The following WFDC3 variants were observed in gnomAD, a reference collection of about 807,000 sequenced individuals.
WFDC3 encodes WAP four-disulfide core domain 3, also known as WAP four-disulfide core domain protein 3.
Under a neutral mutation model 25.8 loss-of-function variants are expected in WFDC3, and 15 were observed. The ratio of observed to expected loss-of-function variants is 0.58; its 90% CI spans 0.39 to 0.89. WFDC3 has a LOEUF of 0.89. Among genes scored for constraint, WFDC3 ranks in the 40% least tolerant of loss-of-function variants. The pLI, the probability that WFDC3 is intolerant of heterozygous loss-of-function variation, is 0.00. For missense variants in WFDC3, 264 were observed against 289.8 expected, an observed-to-expected ratio of 0.91 and a Z score of 0.65; for synonymous variants, 103 against 107.1, an observed-to-expected ratio of 0.96 and a Z score of 0.24.
intron 1 of WFDC3, 66 bp downstream of exon 1, chr20:45,791,766 G>A: frequency 2.7e-6 from 1 of 372,738 alleles, no homozygotes; most frequent in Non-Finnish European, 4.8e-6. Context: ...AACCGCCACT[G>A]AACACCCACA....
chr20:45,776,978 C>T, intron 5 of WFDC3, 97 bp downstream of exon 5: 1 of 1,593,556 alleles, frequency 6.3e-7, no homozygotes, highest in Non-Finnish European at 8.5e-7. Context: ...ACCAGAGGGA[C>T]AGGAAGGATG....
At chr20:45,787,287 T>TC (rs1486557885) in intron 4 of WFDC3, among the ~76,000 whole-genome samples, 31 of 111,130 alleles carry the variant, frequency 2.8e-4, no homozygotes, top group African/African-American at 1.1e-3. Flanking sequence ...TTTTTCTTTT[T>TC]TTTTTTTTTT....
intron 4 of WFDC3, among the ~76,000 whole-genome samples, chr20:45,784,604 A>T (rs1222426296): frequency 6.6e-6 from 1 of 152,104 alleles, no homozygotes; most frequent in Non-Finnish European, 1.5e-5. Context: ...AGCTGAGCAT[A>T]GTGGCACATG....
chr20:45,791,173 C>CTTTT lies in WFDC3; in HGVS notation c.-8+655_-8+658dup, dbSNP rs71181859. On this transcript the variant is annotated intron_variant, in intron 1 of 6. Coordinates refer to ENST00000243938, the MANE Select transcript of WFDC3 (RefSeq NM_080614.2). ...GATGACCTCATATGTGCCTAATATG[C>CTTTT]TTTTTTTTTTTTTTTTTTTTTTTTT... Among the ~76,000 whole-genome samples, 155 of 63,908 alleles carry CTTTT rather than the reference C, an allele frequency of 2.4e-3. 14 individuals carry two copies. The highest frequency in any genetic ancestry group is 4.5e-3 in the African/African-American group (78 of 17,464). 41.9% of individuals were successfully genotyped at this position (63,908 alleles called of 152,430 possible). A position where few individuals can be genotyped will look rare whatever the true frequency, so the allele number is the denominator to read the frequency against.
chr20:45,785,850 G>A (rs1458840458), intron 4 of WFDC3, among the ~76,000 whole-genome samples: 1 of 152,020 alleles, frequency 6.6e-6, no homozygotes, highest in Non-Finnish European at 1.5e-5. Flanking sequence ...CTCCATCCCC[G>A]CTGCTACCTC....
At chr20:45,791,567 G>A (rs1980994552) in intron 1 of WFDC3, among the ~76,000 whole-genome samples, 1 of 152,124 alleles carries the variant, frequency 6.6e-6, no homozygotes, top group Non-Finnish European at 1.5e-5. Context: ...AAAGTGCTGG[G>A]ATTACAGGCG....
intron 1 of WFDC3, among the ~76,000 whole-genome samples, chr20:45,790,676 G>T (rs1980920938): frequency 6.6e-6 from 1 of 151,212 alleles, no homozygotes; most frequent in African/African-American, 2.4e-5. Flanking sequence ...AGTGAGTGGA[G>T]ATCATGCCAC....
chr20:45,782,440 C>T (rs533885002), intron 4 of WFDC3, among the ~76,000 whole-genome samples: 3 of 151,202 alleles, frequency 2.0e-5, no homozygotes, highest in Admixed American at 6.6e-5. Context: ...TGCAGTGGTG[C>T]GATCTCGGCT....
chr20:45,788,772 T>C (rs1980802666), intron 3 of WFDC3, 159 bp downstream of exon 3: 2 of 948,882 alleles, frequency 2.1e-6, no homozygotes, highest in South Asian at 4.0e-5. Context: ...GGGCACTGAA[T>C]AATTAAAGGA....
At chr20:45,790,628 G>A (rs1428249244) in intron 1 of WFDC3, among the ~76,000 whole-genome samples, 2 of 152,094 alleles carry the variant, frequency 1.3e-5, no homozygotes, top group African/African-American at 4.8e-5. Flanking sequence ...GGGAGGCTGA[G>A]GCAGGAGAAT....
chr20:45,788,763 G>T, intron 3 of WFDC3, 168 bp downstream of exon 3: 4 of 850,868 alleles, frequency 4.7e-6, no homozygotes, highest in Non-Finnish European at 6.9e-6. Flanking sequence ...AACAACTGGG[G>T]GCACTGAATA....
At chr20:45,776,660 A>ATATG (rs762240715) in intron 5 of WFDC3, among the ~76,000 whole-genome samples, 3 of 93,300 alleles carry the variant, frequency 3.2e-5, no homozygotes, top group African/African-American at 8.7e-5. Context: ...ATATATATAT[A>ATATG]TGTGTGTGTG....
chr20:45,779,890 C>G (rs1171075753), intron 4 of WFDC3: 1 of 152,336 alleles, frequency 6.6e-6, no homozygotes, highest in Non-Finnish European at 1.5e-5. Context: ...CAGAGGGTCA[C>G]AGCACCTCGC....
chr20:45,774,956 A>C (rs1035384029), intron 6 of WFDC3, among the ~76,000 whole-genome samples: 13 of 151,732 alleles, frequency 8.6e-5, no homozygotes, highest in African/African-American at 2.9e-4. Context: ...AAAAAAAAAA[A>C]AAAAACTGGA....
At position 45,777,071 on chromosome 20, in the gene WFDC3, A is replaced by T; in HGVS notation, c.493+4T>A. ...AGGATTTCTTCCCAAAAGAGCCAAC[A>T]TACCTCCCTCAATGTCTCCGAGGCA... On this transcript the variant is annotated splice_donor_region_variant and intron_variant, in intron 5 of 6. Coordinates refer to ENST00000243938, the MANE Select transcript of WFDC3 (RefSeq NM_080614.2). 1 of 1,612,670 alleles carries T rather than the reference A, an allele frequency of 6.2e-7. No homozygotes were observed. Among genetic ancestry groups the T allele is most frequent in the South Asian group, 1.1e-5 (1 of 91,014 alleles).
chr20:45,783,696 C>T (rs1157010665), intron 4 of WFDC3, among the ~76,000 whole-genome samples: 1 of 151,968 alleles, frequency 6.6e-6, no homozygotes. Context: ...TGCCCTTGCC[C>T]TCAGGCAACC....
At position 45,789,502 on chromosome 20, in the gene WFDC3, T is replaced by A. The variant is rs531632085; in HGVS notation, c.82+392A>T. 3.3e-4 allele frequency among the ~76,000 whole-genome samples: 29 copies of A among 86,624 alleles called. No individual in the cohort carries two copies. The South Asian group carries it at 8.8e-3, about 26-fold the overall frequency. The allele number at this position is 86,624 out of a possible 152,430, so 56.8% of individuals were successfully genotyped here. A position where few individuals can be genotyped will look rare whatever the true frequency, so the allele number is the denominator to read the frequency against. On this transcript the variant is annotated intron_variant, in intron 2 of 6. Coordinates refer to ENST00000243938, the MANE Select transcript of WFDC3 (RefSeq NM_080614.2). The stretch of plus-strand genomic sequence containing the variant: ...GCCTGGGTGACAGAGTGAGACTCCA[T>A]CTCAAAAAAAAAAAAAAAATTCTGC...
At chr20:45,785,722 T>C (rs79188635) in intron 4 of WFDC3, among the ~76,000 whole-genome samples, 10,218 of 152,116 alleles carry the variant, frequency 0.067, 586 homozygotes, top group African/African-American at 0.15. Context: ...GGGTTAGACA[T>C]AGAAGACATG....
At chr20:45,783,702 C>T (rs1980548063) in intron 4 of WFDC3, among the ~76,000 whole-genome samples, 2 of 151,978 alleles carry the variant, frequency 1.3e-5, no homozygotes. Flanking sequence ...TGCCCTCAGG[C>T]AACCTGACTG....
Sources: gnomAD v4.1 joint callset for allele counts (sites outside exome capture counted in the v4.1 genomes callset) on GRCh38, gnomAD v4.1.1 for gene constraint, MANE v1.5 for transcripts, NCBI Gene and HGNC (gene_info 2026-07-23, HGNC 2026-07-21) for gene names.